The following MYRIP variants were observed in gnomAD, a reference collection of about 807,000 sequenced individuals.
The protein encoded by MYRIP is rab effector MyRIP.
Under a neutral mutation model 98.0 loss-of-function variants are expected in MYRIP, and 49 were observed. That is an observed-to-expected ratio of 0.50 (90% CI 0.40 to 0.63). The LOEUF (loss-of-function observed/expected upper bound fraction) is 0.63. Ranked by LOEUF, MYRIP falls within the 30% of genes least tolerant of loss-of-function variation. MYRIP has a pLI of 0.00. For missense variants in MYRIP, 1,004 were observed against 1,058.2 expected (o/e 0.95, Z 0.71); for synonymous variants, 404 against 409.5 (o/e 0.99, Z 0.16).
In MYRIP at chr3:40,162,686, T is replaced by C. The variant is rs754341673; in HGVS notation, c.470-44T>C. The C allele has an allele frequency of 5.8e-6, 9 of 1,563,110 alleles. No homozygotes were observed. The East Asian group carries it at 1.3e-4, about 23-fold the overall frequency. The stretch of plus-strand genomic sequence containing the variant: ...GTGCATCAGGGTTCACTGAAGACCT[T>C]TGATAATCATATTCATTCTCTTCTC... On this transcript the variant is annotated intron_variant, in intron 4 of 16. Coordinates refer to ENST00000302541, the MANE Select transcript of MYRIP (RefSeq NM_015460.4).
At chr3:39,854,332 G>A (rs1025964894) in intron 1 of MYRIP, among the ~76,000 whole-genome samples, 3 of 152,018 alleles carry the variant, frequency 2.0e-5, no homozygotes, top group Admixed American at 2.0e-4. Context: ...TGGAGGCTTT[G>A]TTAATTTTTT....
At chr3:40,147,259 G>A (rs959711363) in intron 3 of MYRIP, among the ~76,000 whole-genome samples, 4 of 151,940 alleles carry the variant, frequency 2.6e-5, no homozygotes, top group Non-Finnish European at 5.9e-5. Context: ...ATTATCTTTG[G>A]TATATATACC....
chr3:40,112,237 A>G (rs1284495456), intron 3 of MYRIP, among the ~76,000 whole-genome samples: 3 of 140,234 alleles, frequency 2.1e-5, no homozygotes, highest in Admixed American at 1.4e-4. Context: ...AGAAATTAAT[A>G]TCTCATGAGG....
chr3:39,904,461 C>G (rs1161561197), intron 2 of MYRIP, among the ~76,000 whole-genome samples: 1 of 152,180 alleles, frequency 6.6e-6, no homozygotes, highest in Non-Finnish European at 1.5e-5. Flanking sequence ...GTCTCGAACT[C>G]CTGAGCTCAG....
chr3:40,113,931 C>T (rs537978015), intron 3 of MYRIP, among the ~76,000 whole-genome samples: 5 of 151,460 alleles, frequency 3.3e-5, no homozygotes, highest in Middle Eastern at 3.4e-3. Context: ...CCTCATGACC[C>T]GCCCGCCTTG....
chr3:39,884,259 A>C (rs1400380722), intron 1 of MYRIP, among the ~76,000 whole-genome samples: 1 of 152,158 alleles, frequency 6.6e-6, no homozygotes, highest in Non-Finnish European at 1.5e-5. Context: ...ATCACAATTC[A>C]GACAAGATGG....
intron 2 of MYRIP, among the ~76,000 whole-genome samples, chr3:39,918,749 A>C (rs1416399999): frequency 6.6e-6 from 1 of 152,254 alleles, no homozygotes; most frequent in East Asian, 1.9e-4. Context: ...GGGGACTCAG[A>C]GCATGACCAA....
intron 16 of MYRIP, 114 bp downstream of exon 16, chr3:40,252,113 C>T: frequency 2.5e-6 from 2 of 803,960 alleles, no homozygotes; most frequent in East Asian, 2.7e-5. Context: ...TATCCTTCCT[C>T]CGTGGTCTTA....
At position 40,025,917 on chromosome 3, in the gene MYRIP, C is replaced by T. The variant is rs986300982; in HGVS notation, c.111-18133C>T. 2.6e-5 allele frequency among the ~76,000 whole-genome samples: 4 copies of T among 152,130 alleles called. No homozygotes were observed. In the South Asian group the frequency reaches 8.3e-4, roughly 32 times the overall value. ...AAGGCAAAGAGCAAAATTAGAATTACTGATGAGGGTCTATGTTCAGCTGTG... is the reference window on the plus strand; with the variant it reads ...AAGGCAAAGAGCAAAATTAGAATTATTGATGAGGGTCTATGTTCAGCTGTG... On this transcript the variant is annotated intron_variant, in intron 2 of 16. Transcript: ENST00000302541.
intron 3 of MYRIP, among the ~76,000 whole-genome samples, chr3:40,105,529 A>T (rs1309679255): frequency 6.6e-6 from 1 of 152,152 alleles, no homozygotes; most frequent in Non-Finnish European, 1.5e-5. Context: ...GGACTGAGAG[A>T]GAGAGGGGAG....
rs576193799 is a variant in MYRIP at position 39,882,141 on chromosome 3, A to G, written c.-30-18646A>G. Among the ~76,000 whole-genome samples the G allele has an allele frequency of 5.2e-4, 79 of 151,988 alleles. 1 individual carries two copies. Among genetic ancestry groups the G allele is most frequent in the Non-Finnish European group, 9.0e-4 (61 of 67,968 alleles). On this transcript the variant is annotated intron_variant, in intron 1 of 16. Transcript: ENST00000302541. ...TTTTCTTGTTAGCTTTTTTTTAGTG[A>G]GCTGTAGTATAATGAGTGATGCACT...
intron 1 of MYRIP, among the ~76,000 whole-genome samples, chr3:39,842,133 C>A (rs1346907171): frequency 6.6e-6 from 1 of 152,160 alleles, no homozygotes. Flanking sequence ...GGGCTGCTGC[C>A]TTTCTTTTAG....
At position 39,866,207 on chromosome 3, in the gene MYRIP, T is replaced by TA. The variant is rs200666613; in HGVS notation, c.-30-34570dup. ...GAGGGTGGAATTGAGGTTAAGGATTTAAAAAAAAAATCTAGCTATCAAGTA... is the reference window on the plus strand; with the variant it reads ...GAGGGTGGAATTGAGGTTAAGGATTTAAAAAAAAAAATCTAGCTATCAAGTA... On this transcript the variant is annotated intron_variant, in intron 1 of 16. Coordinates refer to ENST00000302541, the MANE Select transcript of MYRIP (RefSeq NM_015460.4). 6.7e-4 allele frequency among the ~76,000 whole-genome samples: 100 copies of TA among 150,126 alleles called. 1 individual carries two copies. Among genetic ancestry groups the TA allele is most frequent in the African/African-American group, 1.8e-3 (74 of 40,986 alleles).
intron 2 of MYRIP, among the ~76,000 whole-genome samples, chr3:39,973,504 G>C (rs950929545): frequency 3.9e-5 from 6 of 152,070 alleles, no homozygotes; most frequent in South Asian, 2.1e-4. Context: ...GAGACAGAAA[G>C]TTAACAAAGA....
chr3:40,070,070 T>G (rs1279322250), intron 3 of MYRIP, among the ~76,000 whole-genome samples: 1 of 152,198 alleles, frequency 6.6e-6, no homozygotes, highest in African/African-American at 2.4e-5. Flanking sequence ...AAATGCACCC[T>G]GCTGTGAATG....
chr3:40,082,020 G>A (rs1348429814), intron 3 of MYRIP, among the ~76,000 whole-genome samples: 1 of 152,084 alleles, frequency 6.6e-6, no homozygotes, highest in East Asian at 1.9e-4. Context: ...TTTTAAGGCT[G>A]AATAGCATTC....
At chr3:39,886,078 C>T (rs531172583) in intron 1 of MYRIP, among the ~76,000 whole-genome samples, 1 of 152,012 alleles carries the variant, frequency 6.6e-6, no homozygotes, top group Non-Finnish European at 1.5e-5. Context: ...ATTTCATATC[C>T]AGCCAAACTA....
intron 10 of MYRIP, among the ~76,000 whole-genome samples, chr3:40,203,221 C>T (rs1464041063): frequency 6.6e-6 from 1 of 152,020 alleles, no homozygotes; most frequent in Non-Finnish European, 1.5e-5. Flanking sequence ...TGAGTCACTG[C>T]GCCTGGCTCT....
intron 1 of MYRIP, among the ~76,000 whole-genome samples, chr3:39,866,369 T>C (rs941200072): frequency 6.6e-6 from 1 of 152,136 alleles, no homozygotes; most frequent in South Asian, 2.1e-4. Context: ...TCAGCAAACC[T>C]GCAGGATACA....
Sources: allele counts gnomAD v4.1 joint callset (sites outside exome capture counted in the v4.1 genomes callset), GRCh38; gene constraint gnomAD v4.1.1; transcripts MANE v1.5; gene names NCBI Gene and HGNC (gene_info 2026-07-23, HGNC 2026-07-21).